Variants in NETO2 observed in about 807,000 individuals in gnomAD.
NETO2 encodes neuropilin and tolloid-like protein 2.
A neutral mutation model predicts 62.5 loss-of-function variants in NETO2; 28 were observed. That is an observed-to-expected ratio of 0.45 (90% confidence interval 0.33 to 0.61). NETO2 has a LOEUF of 0.61. NETO2 is among the 20% of genes least tolerant of loss of function. The pLI, the probability that NETO2 is intolerant of heterozygous loss-of-function variation, is 0.02. For synonymous variants in NETO2, 214 were observed against 219.1 expected, an observed-to-expected ratio of 0.98 and a Z score of 0.21; for missense variants, 548 against 643.2, an observed-to-expected ratio of 0.85 and a Z score of 1.60.
chr16:47,118,828 T>C (rs1963975912), intron 6 of NETO2, among the ~76,000 whole-genome samples: 1 of 152,186 alleles, frequency 6.6e-6, no homozygotes, highest in South Asian at 2.1e-4. Context: ...TAAAGCCACT[T>C]AAAAAATAAC....
At chr16:47,114,450 T>C (rs1189692766) in intron 6 of NETO2, among the ~76,000 whole-genome samples, 2 of 121,038 alleles carry the variant, frequency 1.7e-5, no homozygotes, top group Admixed American at 8.0e-5. Context: ...TTTTTTTTTT[T>C]TTTTTTTTTT....
intron 1 of NETO2, among the ~76,000 whole-genome samples, chr16:47,141,700 A>T (rs1368425562): frequency 6.6e-6 from 1 of 152,232 alleles, no homozygotes; most frequent in Non-Finnish European, 1.5e-5. Flanking sequence ...CAACAATAAT[A>T]ATTCAGCTTG....
intron 6 of NETO2, among the ~76,000 whole-genome samples, chr16:47,120,824 G>T (rs1964022647): frequency 6.6e-6 from 1 of 152,082 alleles, no homozygotes; most frequent in African/African-American, 2.4e-5. Flanking sequence ...TACAATGTCA[G>T]TGTCACTTAA....
At chr16:47,103,259 G>A (rs1439258861) in intron 7 of NETO2, among the ~76,000 whole-genome samples, 1 of 152,122 alleles carries the variant, frequency 6.6e-6, no homozygotes, top group Non-Finnish European at 1.5e-5. Context: ...GTGGGCACAG[G>A]GAGGGGAAGG....
At chr16:47,124,036 C>G (rs1964100587) in intron 4 of NETO2, among the ~76,000 whole-genome samples, 1 of 152,164 alleles carries the variant, frequency 6.6e-6, no homozygotes, top group Non-Finnish European at 1.5e-5. Context: ...TTGTGTACAA[C>G]TAGAGACTCA....
At chr16:47,141,159 T>C (rs1009317485) in intron 1 of NETO2, among the ~76,000 whole-genome samples, 1 of 152,234 alleles carries the variant, frequency 6.6e-6, no homozygotes, top group Non-Finnish European at 1.5e-5. Context: ...AGAACTAAAA[T>C]TACTTTCTAC....
chr16:47,140,649 C>A (rs1273628495), intron 1 of NETO2, among the ~76,000 whole-genome samples: 1 of 152,116 alleles, frequency 6.6e-6, no homozygotes, highest in Non-Finnish European at 1.5e-5. Flanking sequence ...TTTTTCCCAA[C>A]CCCTGGAAGG....
intron 7 of NETO2, among the ~76,000 whole-genome samples, chr16:47,099,695 T>C (rs1248051175): frequency 6.6e-6 from 1 of 151,028 alleles, no homozygotes; most frequent in African/African-American, 2.4e-5. Context: ...AAACTAACAA[T>C]GATCAAAAAA....
intron 1 of NETO2, among the ~76,000 whole-genome samples, chr16:47,135,871 T>G (rs1396775760): frequency 6.6e-6 from 1 of 152,140 alleles, no homozygotes; most frequent in Non-Finnish European, 1.5e-5. Flanking sequence ...TCAATGTTAT[T>G]GAAAACCTAA....
chr16:47,110,456 A>G (rs575178471), intron 6 of NETO2, among the ~76,000 whole-genome samples: 1 of 152,368 alleles, frequency 6.6e-6, no homozygotes, highest in South Asian at 2.1e-4. Flanking sequence ...ATTAATCTCC[A>G]GAAGAGCCTA....
rs773947046 is a variant in NETO2, at chr16:47,083,443, G to A, written c.1356C>T (p.Thr452=). 2.5e-6 allele frequency: 4 copies of A among 1,614,188 alleles called. No homozygotes were observed. Among genetic ancestry groups the A allele is most frequent in the Non-Finnish European group, 3.4e-6 (4 of 1,180,032 alleles). ...SQASSVKQSR[T]NLSSMELPFR... ...AAGGAAGTTCCATGGAACTGAGGTT[G>A]GTCCTGCTTTGTTTGACGCTGGAGG... Residue 452 remains threonine, a synonymous_variant, in exon 9 of 9, where the codon ACC becomes ACT. Coordinates refer to ENST00000562435, the MANE Select transcript of NETO2 (RefSeq NM_018092.5).
At chr16:47,120,885 C>T (rs1195784879) in intron 6 of NETO2, among the ~76,000 whole-genome samples, 3 of 151,592 alleles carry the variant, frequency 2.0e-5, no homozygotes, top group African/African-American at 7.3e-5. Flanking sequence ...TTCATTAGTT[C>T]TTGAAATTTT....
At chr16:47,126,928 A>G (rs1484574283) in intron 4 of NETO2, among the ~76,000 whole-genome samples, 1 of 152,242 alleles carries the variant, frequency 6.6e-6, no homozygotes, top group African/African-American at 2.4e-5. Flanking sequence ...CATAAGTACT[A>G]ACAGGCAAAC....
chr16:47,126,530 G>A (rs1007561740), intron 4 of NETO2, among the ~76,000 whole-genome samples: 2 of 152,186 alleles, frequency 1.3e-5, no homozygotes, highest in African/African-American at 4.8e-5. Flanking sequence ...GGACTGTTCT[G>A]TATGGTTCTG....
intron 4 of NETO2, among the ~76,000 whole-genome samples, chr16:47,125,212 C>A (rs931886858): frequency 6.6e-6 from 1 of 152,168 alleles, no homozygotes; most frequent in Non-Finnish European, 1.5e-5. Flanking sequence ...AATAAAATAG[C>A]TGACCAATTT....
chr16:47,109,246 C>T (rs897611791), intron 7 of NETO2, among the ~76,000 whole-genome samples: 2 of 151,954 alleles, frequency 1.3e-5, no homozygotes, highest in African/African-American at 4.8e-5. Flanking sequence ...AGCAGAGGAT[C>T]GCTTGAGCCC....
At chr16:47,129,862 T>C (rs2151490674) in intron 2 of NETO2, among the ~76,000 whole-genome samples, 1 of 152,212 alleles carries the variant, frequency 6.6e-6, no homozygotes, top group South Asian at 2.1e-4. Flanking sequence ...TTTAAAAGGG[T>C]ATAAACTCTT....
chr16:47,117,939 A>T (rs1217536633), intron 6 of NETO2, among the ~76,000 whole-genome samples: 2 of 152,162 alleles, frequency 1.3e-5, no homozygotes, highest in African/African-American at 4.8e-5. Flanking sequence ...ACATTTTTTT[A>T]AATTAAAAAA....
In NETO2 at chr16:47,131,949, C is replaced by T. The variant is rs765680936; in HGVS notation, c.91+20G>A. 2 of 1,603,022 alleles carry T rather than the reference C, an allele frequency of 1.2e-6. No homozygotes were observed. The highest frequency in any genetic ancestry group is 2.2e-5 in the East Asian group (1 of 44,712). On this transcript the variant is annotated intron_variant, in intron 2 of 8. Transcript: ENST00000562435. Reference sequence around the variant, plus strand: ...CCATTGTCTTAAACATGCAGTAAGTCACCAATGTAAGTACTTTACCTTGGG... The same window carrying T: ...CCATTGTCTTAAACATGCAGTAAGTTACCAATGTAAGTACTTTACCTTGGG...
Sources: gnomAD v4.1 joint callset for allele counts (sites outside exome capture counted in the v4.1 genomes callset) on GRCh38, gnomAD v4.1.1 for gene constraint, MANE v1.5 for transcripts, NCBI Gene and HGNC (gene_info 2026-07-23, HGNC 2026-07-21) for gene names.